Variants in ADAMTSL5 observed in about 807,000 individuals in gnomAD.
The protein encoded by ADAMTSL5 is ADAMTS like 5.
A neutral mutation model predicts 51.7 loss-of-function variants in ADAMTSL5; 53 were observed. The ratio of observed to expected loss-of-function variants is 1.03; its 90% CI spans 0.82 to 1.29. The LOEUF (loss-of-function observed/expected upper bound fraction) is 1.29. Among genes scored for constraint, ADAMTSL5 ranks in the 50% most tolerant of loss-of-function variants. The pLI is 0.00. For synonymous variants in ADAMTSL5, 285 were observed against 278.7 expected, an observed-to-expected ratio of 1.02 and a Z score of -0.23; for missense variants, 770 against 676.2, an observed-to-expected ratio of 1.14 and a Z score of -1.54.
chr19:1,508,610 C>A (rs535115033), intron 5 of ADAMTSL5, 40 bp from the exon 6 acceptor site: 9 of 1,476,874 alleles, frequency 6.1e-6, no homozygotes, highest in South Asian at 2.6e-5. Context: ...GACCCCTGTT[C>A]GAGCTCCAGT....
At chr19:1,510,765 A>G (rs1263837614) in intron 2 of ADAMTSL5, 35 bp from the exon 3 acceptor site, 14 of 1,522,836 alleles carry the variant, frequency 9.2e-6, no homozygotes, top group Non-Finnish European at 1.1e-5. Context: ...TCAGCCTTGT[A>G]GGGGGACGCT....
Position 1,505,762 on chromosome 19 carries a change from C to A in ADAMTSL5, c.*253G>T. ...GTATAAATAGCTATGAGCTTCCTGG[C>A]AGCCAAGGAGAGAGGCGAAATAAAA... On this transcript the variant is annotated 3_prime_UTR_variant, in exon 12 of 12. Coordinates refer to ENST00000330475, the MANE Select transcript of ADAMTSL5 (RefSeq NM_213604.3). 1 of 444,084 alleles carries A rather than the reference C, an allele frequency of 2.3e-6. No homozygotes were observed. Among genetic ancestry groups the A allele is most frequent in the Admixed American group, 3.9e-5 (1 of 25,490 alleles). 27.5% of individuals were successfully genotyped at this position (444,084 alleles called of 1,614,324 possible).
Position 1,506,515 on chromosome 19 carries a change from G to C in ADAMTSL5, c.1114+75C>G. 2.6e-6 allele frequency: 4 copies of C among 1,538,838 alleles called. No individual in the cohort carries two copies. Among genetic ancestry groups the C allele is most frequent in the Non-Finnish European group, 3.6e-6 (4 of 1,126,420 alleles). ...ATCAGAAGAAGGGGTCAAGGGTAAA[G>C]TCAGATTAGGGTCAGAGGTCAGGAG... On this transcript the variant is annotated intron_variant, in intron 11 of 11. Coordinates refer to ENST00000330475, the MANE Select transcript of ADAMTSL5 (RefSeq NM_213604.3). This position sits in a 1 kb window ranked among gnomAD's most constrained non-coding sequence, Gnocchi z 5.6.
Position 1,506,658 on chromosome 19 carries a change from G to C in ADAMTSL5, c.1046C>G (p.Pro349Arg). 6.2e-7 allele frequency: 1 copy of C among 1,606,288 alleles called. No homozygotes were observed. Among genetic ancestry groups the C allele is most frequent in the Non-Finnish European group, 8.5e-7 (1 of 1,177,402 alleles). ...PAQTPTLAPD[P>R]CPPCPDTRGR... ...GCGGGTGTCAGGGCAGGGTGGGCAG[G>C]GGTCTGTGGGATGGGCGGTGCTGTG... Residue 349 changes from proline (P) to arginine (R), a missense_variant, in exon 11 of 12, where the codon CCC becomes CGC. By Grantham distance (103) the Pro-to-Arg change is moderately radical. Transcript: ENST00000330475. The surrounding 1 kb of genome is among the most constrained non-coding windows in gnomAD (Gnocchi z 5.6).
chr19:1,512,169 C>A (rs1314830435), intron 1 of ADAMTSL5, among the ~76,000 whole-genome samples: 1 of 152,172 alleles, frequency 6.6e-6, no homozygotes, highest in African/African-American at 2.4e-5. Context: ...GGTGGGTGAG[C>A]CCCGGCCCGG....
chr19:1,510,921 G>A lies in ADAMTSL5; in HGVS notation c.23C>T (p.Pro8Leu). 1 of 1,463,470 alleles carries A rather than the reference G, an allele frequency of 6.8e-7. No homozygotes were observed. The highest frequency in any genetic ancestry group is 9.0e-7 in the Non-Finnish European group (1 of 1,117,218). The allele number at this position is 1,463,470 out of a possible 1,614,324, so 90.7% of individuals were successfully genotyped here. The change falls in exon 2 of 12, where the codon CCC (proline) becomes CTC (leucine). Residue 8 changes from proline to leucine, a missense_variant. Coordinates refer to ENST00000330475, the MANE Select transcript of ADAMTSL5 (RefSeq NM_213604.3). The stretch of plus-strand genomic sequence containing the variant: ...GAGGTTCTGGAAGAGGTGGGGCCTG[G>A]GGAACAGAGGGGCCGAGTCCATAGA... MDSAPLF[P>L]RPHLFQNLLL...
At position 1,510,220 on chromosome 19, in the gene ADAMTSL5, C is replaced by T; in HGVS notation, c.291G>A (p.Gln97=). 6.2e-7 allele frequency: 1 copy of T among 1,613,350 alleles called. No homozygotes were observed. The change falls in exon 5 of 12, where the codon CAG becomes CAA. Residue 97 remains glutamine (Q), a synonymous_variant. Coordinates refer to ENST00000330475, the MANE Select transcript of ADAMTSL5 (RefSeq NM_213604.3). ...CAGGGCGGCCATTGTACAGGGCACACTGTAGGTCTCGGAAGGGCACAGCCC... is the reference window on the plus strand; with the variant it reads ...CAGGGCGGCCATTGTACAGGGCACATTGTAGGTCTCGGAAGGGCACAGCCC... The part of the protein sequence containing the change: ...PPGAVPFRDL[Q]CALYNGRPVL...
chr19:1,510,797 G>T (rs1177895698), intron 2 of ADAMTSL5, 48 bp downstream of exon 2: 1 of 1,516,064 alleles, frequency 6.6e-7, no homozygotes, highest in South Asian at 1.3e-5. Context: ...ACTGCTGACT[G>T]GGTCCCCATT....
At position 1,508,223 on chromosome 19, in the gene ADAMTSL5, C is replaced by T. The variant is rs144222165; in HGVS notation, c.490-114G>A. 9.7e-4 allele frequency: 1,265 copies of T among 1,301,254 alleles called. 7 individuals are homozygous for T. The African/African-American group carries it at 0.016, about 17-fold the overall frequency. 80.6% of individuals were successfully genotyped at this position (1,301,254 alleles called of 1,614,324 possible). A position where few individuals can be genotyped will look rare whatever the true frequency, so the allele number is the denominator to read the frequency against. ...GCCTGGAGGGAAGATGGGGGTGGAGCCTAGGGAGGAGCAGGACCTGGCGGG... is the reference window on the plus strand; with the variant it reads ...GCCTGGAGGGAAGATGGGGGTGGAGTCTAGGGAGGAGCAGGACCTGGCGGG... On this transcript the variant is annotated intron_variant, in intron 6 of 11. Coordinates refer to ENST00000330475, the MANE Select transcript of ADAMTSL5 (RefSeq NM_213604.3).
rs1318726538 is a variant in ADAMTSL5, at chr19:1,510,566, C to T, written c.191+73G>A. 34 of 1,471,754 alleles carry T rather than the reference C, an allele frequency of 2.3e-5. 1 individual carries two copies. In the East Asian group the frequency reaches 3.0e-4, roughly 13 times the overall value. 91.2% of individuals were successfully genotyped at this position (1,471,754 alleles called of 1,614,324 possible). On this transcript the variant is annotated intron_variant, in intron 3 of 11. Transcript: ENST00000330475. ...AAGGGCACAGCATGTGTGGGCAGGC[C>T]GAGGGTGCGGCCAGGGGCCGGGCTG...
chr19:1,507,531 G>A (rs763633702), intron 8 of ADAMTSL5, 26 bp downstream of exon 8: 3 of 1,612,494 alleles, frequency 1.9e-6, no homozygotes, highest in Non-Finnish European at 2.5e-6. Context: ...CCAGCCGGGT[G>A]CCTCTCGCCT....
intron 3 of ADAMTSL5, 25 bp from the exon 4 acceptor site, chr19:1,510,453 GA>G: frequency 6.3e-7 from 1 of 1,592,162 alleles, no homozygotes; most frequent in South Asian, 1.1e-5. Flanking sequence ...AGTGTGGCGA[GA>G]ACCCCCAGGG....
Position 1,510,467 on chromosome 19 carries a change from C to T in ADAMTSL5, c.192-39G>A, listed in dbSNP as rs750182598. The T allele has an allele frequency of 2.5e-6, 4 of 1,571,452 alleles. No homozygotes were observed. In the Admixed American group the frequency reaches 7.4e-5, roughly 29 times the overall value. ...GAGTGTGGCGAGAACCCCCAGGGAC[C>T]CCCTCCCAGGGCTGGCCTTCCACCC... On this transcript the variant is annotated intron_variant, in intron 3 of 11. Coordinates refer to ENST00000330475, the MANE Select transcript of ADAMTSL5 (RefSeq NM_213604.3).
intron 9 of ADAMTSL5, 24 bp downstream of exon 9, chr19:1,507,198 TCCCCAGCCGACCCCCTCTGA>T: frequency 6.6e-7 from 1 of 1,516,972 alleles, no homozygotes; most frequent in Non-Finnish European, 8.8e-7. Context: ...CTCCCCTCTG[TCCCCAGCCGACCCCCTCTGA>T]CCCTGTTGGA....
At chr19:1,512,560 A>G (rs892744345) in intron 1 of ADAMTSL5, among the ~76,000 whole-genome samples, 12 of 152,296 alleles carry the variant, frequency 7.9e-5, no homozygotes, top group African/African-American at 2.6e-4. Context: ...CACACCTGTA[A>G]TCCCAGCTAC....
At position 1,507,120 on chromosome 19, in the gene ADAMTSL5, TC is replaced by T. The variant is rs1012251371; in HGVS notation, c.852+121del. 5.7e-5 allele frequency: 53 copies of T among 922,464 alleles called. No homozygotes were observed. The Middle Eastern group carries it at 2.5e-3, about 44-fold the overall frequency. The allele number at this position is 922,464 out of a possible 1,614,324, so 57.1% of individuals were successfully genotyped here. A position where few individuals can be genotyped will look rare whatever the true frequency, so the allele number is the denominator to read the frequency against. On this transcript the variant is annotated intron_variant, in intron 9 of 11. Transcript: ENST00000330475. ...CCCTCTGATGCTCTGTCCCAGCCTCTCCCCTCTGACCCCAGACTCCCCCTTC... is the reference window on the plus strand; with the variant it reads ...CCCTCTGATGCTCTGTCCCAGCCTCTCCCTCTGACCCCAGACTCCCCCTTC...
chr19:1,511,717 T>A (rs1599291925), intron 1 of ADAMTSL5: 1 of 587,826 alleles, frequency 1.7e-6, no homozygotes, highest in Non-Finnish European at 2.8e-6. Flanking sequence ...AGTCCATGAT[T>A]CTGTGACACC....
Position 1,505,707 on chromosome 19 carries a change from A to G in ADAMTSL5, c.*308T>C. 1 of 325,186 alleles carries G rather than the reference A, an allele frequency of 3.1e-6. No homozygotes were observed. The highest frequency in any genetic ancestry group is 7.2e-5 in the South Asian group (1 of 13,968). The allele number at this position is 325,186 out of a possible 1,614,324, so 20.1% of individuals were successfully genotyped here. On this transcript the variant is annotated 3_prime_UTR_variant, in exon 12 of 12. Coordinates refer to ENST00000330475, the MANE Select transcript of ADAMTSL5 (RefSeq NM_213604.3). ...CTCCAAGCAAGTGTGACGCGCGCAA[A>G]GAGAAAGAAAGCAGCGTTAAACTTT...
intron 6 of ADAMTSL5, 22 bp from the exon 7 acceptor site, chr19:1,508,131 C>T (rs770545158): frequency 1.9e-6 from 3 of 1,591,470 alleles, no homozygotes; most frequent in African/African-American, 2.7e-5. Flanking sequence ...AGGACAGGCG[C>T]GGCGTCACTG....
Sources: gnomAD v4.1 joint callset for allele counts (sites outside exome capture counted in the v4.1 genomes callset) on GRCh38, gnomAD v4.1.1 for gene constraint, Gnocchi (gnomAD v3.1) non-coding constraint, MANE v1.5 for transcripts, NCBI Gene and HGNC (gene_info 2026-07-23, HGNC 2026-07-21) for gene names.